The following RIMBP2 variants were observed in gnomAD, a reference collection of about 807,000 sequenced individuals.
The protein encoded by RIMBP2 is RIMS-binding protein 2.
RIMBP2 carries 48 observed loss-of-function variants against 118.6 expected under a neutral mutation model. The ratio of observed to expected loss-of-function variants is 0.40; its 90% CI spans 0.32 to 0.51. The LOEUF is 0.51. Among genes scored for constraint, RIMBP2 ranks in the 20% least tolerant of loss-of-function variants. The probability of loss-of-function intolerance (pLI) is 0.41; values close to 1 mark genes in which losing one functional copy is unlikely to be tolerated. For missense variants in RIMBP2, 1,551 were observed against 1,768.3 expected (o/e 0.88, Z 2.20); for synonymous variants, 762 against 742.9 (o/e 1.03, Z -0.42).
intron 2 of RIMBP2, among the ~76,000 whole-genome samples, chr12:130,551,357 G>A (rs1412683761): frequency 6.6e-6 from 1 of 152,100 alleles, no homozygotes; most frequent in East Asian, 1.9e-4. Flanking sequence ...CCCAGAGACT[G>A]TTTCCCATGA....
At chr12:130,638,761 C>T (rs968239785) in intron 1 of RIMBP2, among the ~76,000 whole-genome samples, 3 of 149,862 alleles carry the variant, frequency 2.0e-5, no homozygotes, top group Non-Finnish European at 4.4e-5. Flanking sequence ...CTATGGAGAT[C>T]GTTAAAAAAA....
Position 130,484,196 on chromosome 12 carries a change from G to A in RIMBP2, c.-3-5180C>T, listed in dbSNP as rs149200584. On this transcript the variant is annotated intron_variant, in intron 4 of 22. Transcript: ENST00000690449. ...CCAGCTGAAAGCCCCTCGGTGGGGA[G>A]TAAAGCGGCATGCTGTCACAGGGCC... Among the ~76,000 whole-genome samples the A allele has an allele frequency of 1.9e-3, 284 of 152,298 alleles. 1 individual carries two copies. Among genetic ancestry groups the A allele is most frequent in the East Asian group, 0.016 (81 of 5,178 alleles).
chr12:130,437,900 G>T (rs988660755), intron 12 of RIMBP2, among the ~76,000 whole-genome samples: 6 of 152,200 alleles, frequency 3.9e-5, no homozygotes, highest in African/African-American at 1.4e-4. Flanking sequence ...CCCAGGCAGG[G>T]ATAGGGGGCT....
intron 1 of RIMBP2, among the ~76,000 whole-genome samples, chr12:130,646,281 C>G (rs867237196): frequency 1.0e-5 from 1 of 95,792 alleles, no homozygotes; most frequent in Non-Finnish European, 2.3e-5. Context: ...CTCACCACCT[C>G]CCTCACCACC....
chr12:130,677,096 G>A (rs1156743795), intron 1 of RIMBP2, among the ~76,000 whole-genome samples: 1 of 152,196 alleles, frequency 6.6e-6, no homozygotes, highest in South Asian at 2.1e-4. Flanking sequence ...GGGACAGCAG[G>A]TGATGCCTGG....
At chr12:130,653,566 C>A (rs745377533) in intron 1 of RIMBP2, among the ~76,000 whole-genome samples, 14 of 152,208 alleles carry the variant, frequency 9.2e-5, no homozygotes, top group Non-Finnish European at 1.9e-4. Context: ...CCTCTTCTCA[C>A]CAACTCCACT....
intron 1 of RIMBP2, among the ~76,000 whole-genome samples, chr12:130,645,894 A>G (rs889711463): frequency 6.6e-6 from 1 of 152,158 alleles, no homozygotes; most frequent in Admixed American, 6.5e-5. Context: ...GCCTAACTAA[A>G]TGGATTCATT....
chr12:130,550,168 G>A (rs1397146073), intron 2 of RIMBP2, among the ~76,000 whole-genome samples: 1 of 152,208 alleles, frequency 6.6e-6, no homozygotes, highest in Non-Finnish European at 1.5e-5. Flanking sequence ...GGCCATGAGT[G>A]AGCGTGTTTG....
At chr12:130,474,382 T>G (rs2081262360) in intron 5 of RIMBP2, among the ~76,000 whole-genome samples, 1 of 152,194 alleles carries the variant, frequency 6.6e-6, no homozygotes, top group African/African-American at 2.4e-5. Context: ...TCGTCACATC[T>G]CCAATTCCTT....
chr12:130,576,424 G>A lies in RIMBP2; in HGVS notation c.-217+51898C>T, dbSNP rs954126924. ...CCTCAGAGCCCTAAACACACTACCCGTGGGCAGCTGGCAGGTGGCCAGCTG... is the reference window on the plus strand; with the variant it reads ...CCTCAGAGCCCTAAACACACTACCCATGGGCAGCTGGCAGGTGGCCAGCTG... On this transcript the variant is annotated intron_variant, in intron 2 of 22. Transcript: ENST00000690449. This position sits in a 1 kb window ranked among gnomAD's most constrained non-coding sequence, Gnocchi z 4.2. Among the ~76,000 whole-genome samples the A allele has an allele frequency of 2.6e-5, 4 of 152,008 alleles. No homozygotes were observed. The highest frequency in any genetic ancestry group is 2.9e-5 in the Non-Finnish European group (2 of 67,988).
intron 1 of RIMBP2, among the ~76,000 whole-genome samples, chr12:130,644,364 C>G (rs997370777): frequency 6.6e-6 from 1 of 152,196 alleles, no homozygotes; most frequent in Non-Finnish European, 1.5e-5. Flanking sequence ...CACGTGTCAC[C>G]TTGGTTAAGA....
Position 130,670,464 on chromosome 12 carries a change from G to A in RIMBP2, c.-351-42008C>T, listed in dbSNP as rs955073265. Among the ~76,000 whole-genome samples the A allele has an allele frequency of 3.3e-5, 5 of 152,106 alleles. No individual in the cohort carries two copies. The highest frequency in any genetic ancestry group is 1.2e-4 in the African/African-American group (5 of 41,424). On this transcript the variant is annotated intron_variant, in intron 1 of 22. Transcript: ENST00000690449. The surrounding 1 kb of genome is among the most constrained non-coding windows in gnomAD (Gnocchi z 4.9). The stretch of plus-strand genomic sequence containing the variant: ...TCTCTCTCCTAGCTCTGGGCCCAAG[G>A]CCTTGGTATGTGCAGCTCCCTCCAA...
intron 17 of RIMBP2, chr12:130,421,078 T>A (rs558864706): frequency 2.0e-4 from 31 of 152,218 alleles, no homozygotes; most frequent in African/African-American, 6.7e-4. Flanking sequence ...ATTGGCCTTT[T>A]CCCCACATCG....
Position 130,670,862 on chromosome 12 carries a change from C to G in RIMBP2, c.-351-42406G>C, listed in dbSNP as rs1594179110. 2.6e-5 allele frequency among the ~76,000 whole-genome samples: 4 copies of G among 152,292 alleles called. No individual in the cohort carries two copies. The highest frequency in any genetic ancestry group is 2.1e-4 in the South Asian group (1 of 4,822). ...AATCTCAGCTCACTGCAACCTCTGCCTCCCAGGTTCAAGCAATTCTCCTAC... is the reference window on the plus strand; with the variant it reads ...AATCTCAGCTCACTGCAACCTCTGCGTCCCAGGTTCAAGCAATTCTCCTAC... On this transcript the variant is annotated intron_variant, in intron 1 of 22. Transcript: ENST00000690449. The surrounding 1 kb of genome is among the most constrained non-coding windows in gnomAD (Gnocchi z 4.9).
At position 130,456,521 on chromosome 12, in the gene RIMBP2, A is replaced by G. The variant is rs1322356775; in HGVS notation, c.333T>C (p.Asn111=). The G allele has an allele frequency of 6.2e-7, 1 of 1,600,472 alleles. No homozygotes were observed. Among genetic ancestry groups the G allele is most frequent in the African/African-American group, 1.3e-5 (1 of 74,686 alleles). The change falls in exon 7 of 23, where the codon AAT becomes AAC. Residue 111 remains asparagine (N), a synonymous_variant. Transcript: ENST00000690449. The part of the protein sequence containing the change: ...APSKPFPQFM[N]GLATSLGKGQ... ...CTTTGCCGAGGGAGGTGGCTAGGCC[A>G]TTCATGAACTGTGGGAAAGGCTTGC... is the stretch of plus-strand genomic sequence containing the variant.
intron 1 of RIMBP2, among the ~76,000 whole-genome samples, chr12:130,695,704 C>A (rs1416982628): frequency 1.3e-5 from 2 of 152,032 alleles, no homozygotes; most frequent in East Asian, 1.9e-4. Flanking sequence ...GGCAACCGAC[C>A]ATTGATCAAT....
chr12:130,540,817 G>A (rs1396741133), intron 2 of RIMBP2, among the ~76,000 whole-genome samples: 1 of 152,194 alleles, frequency 6.6e-6, no homozygotes, highest in African/African-American at 2.4e-5. Context: ...GTGGCTTTCT[G>A]CGTGGTGAGC....
intron 2 of RIMBP2, among the ~76,000 whole-genome samples, chr12:130,599,355 C>T (rs1472395855): frequency 1.3e-5 from 2 of 152,124 alleles, no homozygotes; most frequent in East Asian, 3.8e-4. Context: ...AAGACATTTG[C>T]AACTAATATA....
intron 1 of RIMBP2, among the ~76,000 whole-genome samples, chr12:130,685,125 T>C (rs923025051): frequency 6.6e-6 from 1 of 152,200 alleles, no homozygotes; most frequent in African/African-American, 2.4e-5. Flanking sequence ...CCACCCTCTC[T>C]TATCTCCCCC....
Sources: gnomAD v4.1 joint callset for allele counts (sites outside exome capture counted in the v4.1 genomes callset) on GRCh38, gnomAD v4.1.1 for gene constraint, Gnocchi (gnomAD v3.1) non-coding constraint, MANE v1.5 for transcripts, NCBI Gene and HGNC (gene_info 2026-07-23, HGNC 2026-07-21) for gene names.